The following CCDC171 variants were observed in gnomAD, a reference collection of about 807,000 sequenced individuals.
CCDC171 encodes the protein coiled-coil domain containing 171.
Under a neutral mutation model 168.2 loss-of-function variants are expected in CCDC171, and 177 were observed. The observed-to-expected ratio is 1.05, with a 90% CI of 0.93 to 1.19. CCDC171 has a LOEUF of 1.19. Among genes scored for constraint, CCDC171 ranks in the 50% most tolerant of loss-of-function variants. The probability of loss-of-function intolerance (pLI) is 0.00; values close to 1 mark genes in which losing one functional copy is unlikely to be tolerated. For synonymous variants in CCDC171, 687 were observed against 540.8 expected, an observed-to-expected ratio of 1.27 and a Z score of -3.75; for missense variants, 1,991 against 1,539.0, an observed-to-expected ratio of 1.29 and a Z score of -4.91.
At chr9:15,808,398 A>G (rs1247172127) in intron 21 of CCDC171, among the ~76,000 whole-genome samples, 1 of 152,240 alleles carries the variant, frequency 6.6e-6, no homozygotes, top group East Asian at 1.9e-4. Context: ...TTTGTTAGAT[A>G]TATTAGACAA....
chr9:15,643,822 A>G (rs1181160713), intron 7 of CCDC171, among the ~76,000 whole-genome samples: 3 of 152,186 alleles, frequency 2.0e-5, no homozygotes, highest in African/African-American at 7.2e-5. Flanking sequence ...GAAATCATAC[A>G]GCATGTGGTC....
chr9:15,628,070 G>C (rs2045320779), intron 7 of CCDC171, among the ~76,000 whole-genome samples: 1 of 152,166 alleles, frequency 6.6e-6, no homozygotes, highest in African/African-American at 2.4e-5. Context: ...AATAGGAACA[G>C]CTGCTGTCTA....
intron 6 of CCDC171, among the ~76,000 whole-genome samples, chr9:15,620,471 T>A (rs1451238766): frequency 6.6e-6 from 1 of 152,164 alleles, no homozygotes; most frequent in Non-Finnish European, 1.5e-5. Flanking sequence ...TAATTAGAAT[T>A]AGAAGTGGAG....
intron 24 of CCDC171, among the ~76,000 whole-genome samples, chr9:15,904,509 G>A (rs1563972229): frequency 1.3e-5 from 2 of 151,676 alleles, no homozygotes; most frequent in Admixed American, 6.6e-5. Context: ...CCCTAAAAGA[G>A]CTCCTGAAGG....
the CCDC171 span, among the ~76,000 whole-genome samples, chr9:16,089,917 A>G: frequency 6.6e-6 from 1 of 152,306 alleles, no homozygotes; most frequent in South Asian, 2.1e-4. Context: ...AAGTCAGGAA[A>G]CAACAAATGC....
chr9:15,811,197 G>T (rs988828609), intron 21 of CCDC171, among the ~76,000 whole-genome samples: 49 of 152,166 alleles, frequency 3.2e-4, no homozygotes, highest in Admixed American at 3.2e-3. Context: ...GGCTTGAAAA[G>T]CCAGATCTTT....
intron 5 of CCDC171, among the ~76,000 whole-genome samples, chr9:15,592,517 C>T (rs2042074718): frequency 6.6e-6 from 1 of 152,122 alleles, no homozygotes; most frequent in South Asian, 2.1e-4. Flanking sequence ...CAGATGTTGT[C>T]ATTGTCAGCA....
At chr9:16,001,526 T>C (rs1229689175) in intron 3 of CCDC171, among the ~76,000 whole-genome samples, 1 of 152,126 alleles carries the variant, frequency 6.6e-6, no homozygotes, top group Non-Finnish European at 1.5e-5. Context: ...TTCAAAGGTT[T>C]GCTGATGACT....
chr9:15,570,205 A>C (rs1301475006), intron 2 of CCDC171, among the ~76,000 whole-genome samples: 5 of 152,048 alleles, frequency 3.3e-5, no homozygotes, highest in Admixed American at 3.3e-4. Flanking sequence ...TCCTGGCCTC[A>C]AGTGATCTGC....
chr9:15,903,881 A>G (rs931170402), intron 24 of CCDC171, among the ~76,000 whole-genome samples: 2 of 152,262 alleles, frequency 1.3e-5, no homozygotes, highest in South Asian at 2.1e-4. Flanking sequence ...TGACGAATGC[A>G]TAAGCCTCAG....
chr9:15,802,042 G>A (rs1237994919), intron 21 of CCDC171, among the ~76,000 whole-genome samples: 1 of 151,608 alleles, frequency 6.6e-6, no homozygotes, highest in Non-Finnish European at 1.5e-5. Context: ...GGGGATTTTT[G>A]CCTCAATATT....
chr9:15,599,383 T>G (rs893420897), intron 6 of CCDC171, among the ~76,000 whole-genome samples: 6 of 152,222 alleles, frequency 3.9e-5, no homozygotes, highest in Non-Finnish European at 7.4e-5. Context: ...GTCTGTAAAG[T>G]ATTTTATTTC....
chr9:15,764,279 A>C (rs1251904578), intron 18 of CCDC171, among the ~76,000 whole-genome samples: 1 of 152,236 alleles, frequency 6.6e-6, no homozygotes, highest in East Asian at 1.9e-4. Context: ...TTTTGAGTGG[A>C]AGAATGACAA....
chr9:15,701,380 T>C (rs2133881832), intron 11 of CCDC171, among the ~76,000 whole-genome samples: 1 of 152,278 alleles, frequency 6.6e-6, no homozygotes, highest in East Asian at 1.9e-4. Flanking sequence ...TCAGGTCTTA[T>C]GTTTGAGTCT....
chr9:15,879,252 C>A (rs1173774949), intron 24 of CCDC171, among the ~76,000 whole-genome samples: 1 of 151,940 alleles, frequency 6.6e-6, no homozygotes, highest in Admixed American at 6.6e-5. Context: ...ATTTAATACA[C>A]CTATATATAT....
chr9:15,883,658 C>T (rs1819012342), intron 24 of CCDC171, among the ~76,000 whole-genome samples: 1 of 152,152 alleles, frequency 6.6e-6, no homozygotes, highest in Non-Finnish European at 1.5e-5. Context: ...CCGTGTAAAG[C>T]TTCTGCTACA....
At chr9:15,578,305 G>T (rs997957245) in intron 3 of CCDC171, among the ~76,000 whole-genome samples, 21 of 149,966 alleles carry the variant, frequency 1.4e-4, no homozygotes, top group African/African-American at 4.9e-4. Context: ...CATGGTCTCT[G>T]CTCACTGCAA....
At chr9:16,076,666 T>A in the CCDC171 span, among the ~76,000 whole-genome samples, 1 of 152,214 alleles carries the variant, frequency 6.6e-6, no homozygotes, top group African/African-American at 2.4e-5. Flanking sequence ...TGCACTGTTT[T>A]GACTTCTGCC....
At chr9:16,017,893 C>T (rs1186225992) in intron 3 of CCDC171, among the ~76,000 whole-genome samples, 1 of 152,192 alleles carries the variant, frequency 6.6e-6, no homozygotes, top group African/African-American at 2.4e-5. Context: ...GAGAGAACTG[C>T]TCCTGCCTCA....
Sources: allele counts gnomAD v4.1 joint callset (sites outside exome capture counted in the v4.1 genomes callset), GRCh38; gene constraint gnomAD v4.1.1; transcripts MANE v1.5; gene names NCBI Gene and HGNC (gene_info 2026-07-23, HGNC 2026-07-21).